SNX13: variants seen among roughly 807,000 people sequenced by gnomAD.
SNX13 encodes the protein sorting nexin-13.
SNX13 carries 45 observed loss-of-function variants against 133.6 expected under a neutral mutation model. The observed-to-expected ratio is 0.34, with a 90% CI of 0.27 to 0.43. SNX13 has a LOEUF of 0.43. SNX13 is among the 20% of genes least tolerant of loss of function. The pLI, the probability that SNX13 is intolerant of heterozygous loss-of-function variation, is 1.00. For missense variants in SNX13, 1,032 were observed against 1,145.1 expected, an observed-to-expected ratio of 0.90 and a Z score of 1.43; for synonymous variants, 414 against 373.9, an observed-to-expected ratio of 1.11 and a Z score of -1.24.
intron 9 of SNX13, among the ~76,000 whole-genome samples, chr7:17,864,964 G>GA (rs201814867): frequency 1.6e-3 from 237 of 150,448 alleles, no homozygotes; most frequent in African/African-American, 5.3e-3. Flanking sequence ...AGTGCTGAAG[G>GA]AAAAAAAAAT....
rs1784121538 is a variant in SNX13 at position 17,796,912 on chromosome 7, T to C, written c.2541A>G (p.Leu847=). The part of the protein sequence containing the change: ...FRDAFWPNGI[L]AEAVPCRDKS... ...TATCTCTGCATGGAACAGCCTCTGC[T>C]AAAATGCCATTTGGCCAAAATGCAT... Residue 847 remains leucine (L), a synonymous_variant, in exon 25 of 26, where the codon TTA becomes TTG. Transcript: ENST00000428135. 6.2e-7 allele frequency: 1 copy of C among 1,610,880 alleles called. No individual in the cohort carries two copies. Among genetic ancestry groups the C allele is most frequent in the East Asian group, 2.2e-5 (1 of 44,816 alleles).
At chr7:17,909,093 G>T (rs116820312) in intron 1 of SNX13, among the ~76,000 whole-genome samples, 177 of 151,920 alleles carry the variant, frequency 1.2e-3, no homozygotes, top group African/African-American at 4.1e-3. Context: ...CAGATGAAAA[G>T]CTCAACATCA....
intron 18 of SNX13, among the ~76,000 whole-genome samples, chr7:17,820,293 T>G (rs995654996): frequency 5.3e-5 from 8 of 152,160 alleles, no homozygotes; most frequent in Non-Finnish European, 1.0e-4. Context: ...TTTTAAATTA[T>G]CATGTTTGGT....
intron 7 of SNX13, among the ~76,000 whole-genome samples, chr7:17,874,156 T>G (rs1462890858): frequency 2.6e-5 from 4 of 152,194 alleles, no homozygotes; most frequent in Non-Finnish European, 4.4e-5. Context: ...AAATTGACCC[T>G]TGAACAAAGA....
chr7:17,820,003 T>C (rs909496984), intron 18 of SNX13, among the ~76,000 whole-genome samples: 1 of 152,286 alleles, frequency 6.6e-6, no homozygotes, highest in South Asian at 2.1e-4. Context: ...ATCAATTTCA[T>C]GTAATTTTTG....
chr7:17,878,002 T>C (rs1001783433), intron 5 of SNX13, among the ~76,000 whole-genome samples: 1 of 152,096 alleles, frequency 6.6e-6, no homozygotes, highest in South Asian at 2.1e-4. Flanking sequence ...CTTAACAAAA[T>C]TGGAAAATAC....
At position 17,834,107 on chromosome 7, in the gene SNX13, A is replaced by G; in HGVS notation, c.1542T>C (p.Ala514=). 1 of 1,592,506 alleles carries G rather than the reference A, an allele frequency of 6.3e-7. No homozygotes were observed. The highest frequency in any genetic ancestry group is 8.6e-7 in the Non-Finnish European group (1 of 1,166,512). The change falls in exon 15 of 26, where the codon GCT becomes GCC. Residue 514 remains alanine, a synonymous_variant. Transcript: ENST00000428135. Reference sequence around the variant, plus strand: ...TAGGATCTTTTAACATGTCAAGCTCAGCTAACATGCGCACATAAAGTGCAT... The same window carrying G: ...TAGGATCTTTTAACATGTCAAGCTCGGCTAACATGCGCACATAAAGTGCAT... ...RQNALYVRML[A]ELDMLKDPSF...
chr7:17,812,214 A>G (rs530003609), intron 20 of SNX13, among the ~76,000 whole-genome samples: 2 of 152,292 alleles, frequency 1.3e-5, no homozygotes, highest in Admixed American at 1.3e-4. Flanking sequence ...AACTGTAGGA[A>G]CCTACAGATT....
At chr7:17,797,040 C>G in intron 24 of SNX13, 101 bp from the exon 25 acceptor site, 1 of 904,228 alleles carries the variant, frequency 1.1e-6, no homozygotes, top group Non-Finnish European at 1.7e-6. Flanking sequence ...CAAATGTGAA[C>G]AGAAAGAAAA....
chr7:17,798,954 A>T (rs1784341716), intron 23 of SNX13, 55 bp downstream of exon 23: 2 of 1,553,054 alleles, frequency 1.3e-6, no homozygotes, highest in Admixed American at 4.0e-5. Context: ...TTCCAGAAGT[A>T]AGAGTTTAAT....
At position 17,850,320 on chromosome 7, in the gene SNX13, A is replaced by C. The variant is rs778654231; in HGVS notation, c.1065+27T>G. ...CCTATAGTATAGTATTTATAACTAA[A>C]CGTTAATTCAAAACTACTTTACTTA... On this transcript the variant is annotated intron_variant, in intron 11 of 25. Transcript: ENST00000428135. 8.8e-6 allele frequency: 13 copies of C among 1,473,968 alleles called. No individual in the cohort carries two copies. The Admixed American group carries it at 2.4e-4, about 27-fold the overall frequency. The allele number at this position is 1,473,968 out of a possible 1,614,324, so 91.3% of individuals were successfully genotyped here.
rs533718859 is a variant in SNX13 at position 17,908,471 on chromosome 7, C to T, written c.13-11025G>A. Reference sequence around the variant, plus strand: ...TAGCAAAAAATTCTATCAAGTTCCCCTCAAGAACCAGCTGAAATTGTTATC... The same window carrying T: ...TAGCAAAAAATTCTATCAAGTTCCCTTCAAGAACCAGCTGAAATTGTTATC... On this transcript the variant is annotated intron_variant, in intron 1 of 25. Transcript: ENST00000428135. Among the ~76,000 whole-genome samples, 4 of 152,288 alleles carry T rather than the reference C, an allele frequency of 2.6e-5. No individual in the cohort carries two copies. The South Asian group carries it at 6.2e-4, about 24-fold the overall frequency.
chr7:17,794,541 AAC>A lies in SNX13; in HGVS notation c.2627-251_2627-250del, dbSNP rs1314279762. 55 of 375,124 alleles carry A rather than the reference AAC, an allele frequency of 1.5e-4. No individual in the cohort carries two copies. The East Asian group carries it at 2.1e-3, about 15-fold the overall frequency. The allele number at this position is 375,124 out of a possible 1,614,324, so 23.2% of individuals were successfully genotyped here. A position where few individuals can be genotyped will look rare whatever the true frequency, so the allele number is the denominator to read the frequency against. On this transcript the variant is annotated intron_variant, in intron 25 of 25. Coordinates refer to ENST00000428135, the MANE Select transcript of SNX13 (RefSeq NM_015132.5). The stretch of plus-strand genomic sequence containing the variant: ...CAGGTGTAAGAGATAAAAAATAAAA[AAC>A]AGTCTCAAAGATCCCAAACTATGAT...
chr7:17,863,675 C>CCAGGCAG (rs1554333686), intron 9 of SNX13, among the ~76,000 whole-genome samples: 2 of 152,156 alleles, frequency 1.3e-5, no homozygotes, highest in African/African-American at 4.8e-5. Flanking sequence ...GCAGCAGCAG[C>CCAGGCAG]CAGGCAGCAG....
At chr7:17,917,775 T>C (rs1009677431) in intron 1 of SNX13, among the ~76,000 whole-genome samples, 1 of 152,194 alleles carries the variant, frequency 6.6e-6, no homozygotes, top group Non-Finnish European at 1.5e-5. Context: ...AACATCATTT[T>C]TCACAGAGTT....
chr7:17,900,045 A>G (rs1214255487), intron 1 of SNX13: 1 of 152,214 alleles, frequency 6.6e-6, no homozygotes, highest in African/African-American at 2.4e-5. Context: ...TAAGCCTACT[A>G]ATGTTGTGGC....
At chr7:17,851,145 T>C (rs62446884) in intron 9 of SNX13, among the ~76,000 whole-genome samples, 181 bp from the exon 10 acceptor site, 1,836 of 152,302 alleles carry the variant, frequency 0.012, 22 homozygotes, top group Non-Finnish European at 0.021. Context: ...GCAAATAAAA[T>C]AAAGTATTAT....
intron 5 of SNX13, among the ~76,000 whole-genome samples, chr7:17,883,723 C>T (rs933784722): frequency 6.6e-6 from 1 of 152,082 alleles, no homozygotes; most frequent in African/African-American, 2.4e-5. Context: ...CCCCTCACCC[C>T]CCAAGAGGCC....
At chr7:17,844,293 G>C (rs2691612) in intron 12 of SNX13, among the ~76,000 whole-genome samples, 1 of 151,674 alleles carries the variant, frequency 6.6e-6, no homozygotes. Context: ...CCAATAAATC[G>C]GATATCCTAG....
Sources: allele counts gnomAD v4.1 joint callset (sites outside exome capture counted in the v4.1 genomes callset), GRCh38; gene constraint gnomAD v4.1.1; transcripts MANE v1.5; gene names NCBI Gene and HGNC (gene_info 2026-07-23, HGNC 2026-07-21).